Variants in BDP1 observed in about 807,000 individuals in gnomAD.
The protein encoded by BDP1 is BDP1 general transcription factor IIIB subunit.
In BDP1, 169 loss-of-function variants were observed where a neutral mutation model predicts 266.6. That is an observed-to-expected ratio of 0.63 (90% confidence interval 0.56 to 0.72). The LOEUF is 0.72. BDP1 is among the 30% of genes least tolerant of loss of function. The pLI is 0.00. For synonymous variants in BDP1, 1,090 were observed against 1,022.4 expected (o/e 1.07, Z -1.26); for missense variants, 3,015 against 3,053.8 (o/e 0.99, Z 0.30).
intron 7 of BDP1, among the ~76,000 whole-genome samples, chr5:71,476,499 T>C (rs1762593800): frequency 6.6e-6 from 1 of 151,906 alleles, no homozygotes; most frequent in Non-Finnish European, 1.5e-5. Context: ...TTTTATTTGT[T>C]TGTTTTTTCC....
chr5:71,488,164 TGCCCAG>T (rs113301240), intron 9 of BDP1, among the ~76,000 whole-genome samples: 74 of 152,260 alleles, frequency 4.9e-4, no homozygotes, highest in African/African-American at 1.7e-3. Flanking sequence ...CTCACTTTGT[TGCCCAG>T]GCTGGAGTGC....
intron 6 of BDP1, 93 bp from the exon 7 acceptor site, chr5:71,470,301 TA>T: frequency 1.1e-6 from 1 of 911,066 alleles, no homozygotes; most frequent in Non-Finnish European, 1.7e-6. Context: ...ATCTTTCTAG[TA>T]AAATTAAGTA....
chr5:71,504,134 G>A lies in BDP1; in HGVS notation c.2242-487G>A, dbSNP rs751102045. ...AAAAATACAAAAACGTTAGCTGGGTGTGGTGGTGGACGCCTGTAGTCCTAG... is the reference window on the plus strand; with the variant it reads ...AAAAATACAAAAACGTTAGCTGGGTATGGTGGTGGACGCCTGTAGTCCTAG... On this transcript the variant is annotated intron_variant, in intron 15 of 38. Coordinates refer to ENST00000358731, the MANE Select transcript of BDP1 (RefSeq NM_018429.3). Among the ~76,000 whole-genome samples, 86 of 151,772 alleles carry A rather than the reference G, an allele frequency of 5.7e-4. 1 individual carries two copies. The highest frequency in any genetic ancestry group is 3.0e-3 in the Admixed American group (46 of 15,234).
intron 1 of BDP1, among the ~76,000 whole-genome samples, chr5:71,456,956 G>A (rs1035305983): frequency 2.6e-5 from 4 of 152,102 alleles, no homozygotes; most frequent in Admixed American, 2.6e-4. Context: ...ATTTATTTTT[G>A]GAACATCTTC....
chr5:71,553,280 C>T lies in BDP1; in HGVS notation c.7160C>T (p.Ser2387Leu), dbSNP rs767768171. 1 of 1,613,030 alleles carries T rather than the reference C, an allele frequency of 6.2e-7. No individual in the cohort carries two copies. The highest frequency in any genetic ancestry group is 1.1e-5 in the South Asian group (1 of 91,026). The part of the protein sequence containing the change: ...NDHIPPAKKR[S>L]LTLRDDCQEY... ...CACATTCCTCCTGCCAAAAAACGTT[C>T]ACTCACTTTAAGAGATGACTGTCAA... The change falls in exon 35 of 39, where the codon TCA becomes TTA. Residue 2387 changes from serine to leucine, a missense_variant. This residue lies in a region of BDP1 where 629 missense variants were observed against 632.5 expected (regional missense o/e 0.99). Coordinates refer to ENST00000358731, the MANE Select transcript of BDP1 (RefSeq NM_018429.3).
At position 71,522,371 on chromosome 5, in the gene BDP1, G is replaced by T; in HGVS notation, c.5074G>T (p.Ala1692Ser). Residue 1692 changes from alanine to serine, a missense_variant, in exon 23 of 39, where the codon GCA becomes TCA. Around this residue, in one of 3 missense-constraint regions of BDP1, gnomAD observed 2,383 missense variants for 2,404.9 expected, o/e 0.99. Coordinates refer to ENST00000358731, the MANE Select transcript of BDP1 (RefSeq NM_018429.3). ...AAAGGCTAAGCCAAATTTGGGAAGA[G>T]CACACAGTAAGAAAGAGGAACCAGT... ...FQKAKPNLGR[A>S]HSKKEEPVLE... 6.2e-7 allele frequency: 1 copy of T among 1,613,798 alleles called. No homozygotes were observed.
Position 71,522,478 on chromosome 5 carries a change from G to T in BDP1, c.5181G>T (p.Gln1727His). 1 of 1,574,984 alleles carries T rather than the reference G, an allele frequency of 6.3e-7. No homozygotes were observed. The highest frequency in any genetic ancestry group is 8.6e-7 in the Non-Finnish European group (1 of 1,164,068). The change falls in exon 23 of 39, where the codon CAG becomes CAT. Residue 1727 changes from glutamine to histidine, a missense_variant. Gln to His is a conservative substitution (Grantham distance 24). Coordinates refer to ENST00000358731, the MANE Select transcript of BDP1 (RefSeq NM_018429.3). ...TGCAGAAAGGAGCTTCCAACACCCA[G>T]CTCCTTCTAAAAGTAAGTTTGGGCA... ...HLLQKGASNT[Q>H]LLLKEKAELL...
At chr5:71,516,902 A>G (rs1765253296) in intron 21 of BDP1, among the ~76,000 whole-genome samples, 1 of 152,240 alleles carries the variant, frequency 6.6e-6, no homozygotes, top group Non-Finnish European at 1.5e-5. Flanking sequence ...TCTTAAAAAA[A>G]AAAATTAAAC....
intron 25 of BDP1, among the ~76,000 whole-genome samples, chr5:71,526,615 C>CAAA (rs752124588): frequency 0.37 from 18,422 of 49,214 alleles, 3,212 homozygotes; most frequent in Non-Finnish European, 0.46. Flanking sequence ...GACTCTATCT[C>CAAA]AAAAAAAAAA....
At chr5:71,530,454 G>T (rs1042878780) in intron 25 of BDP1, among the ~76,000 whole-genome samples, 2 of 151,854 alleles carry the variant, frequency 1.3e-5, no homozygotes, top group Non-Finnish European at 1.5e-5. Context: ...ATGTTGTCCA[G>T]GCTGGTCTCA....
chr5:71,502,050 A>T (rs1174955584), intron 14 of BDP1, among the ~76,000 whole-genome samples: 3 of 152,156 alleles, frequency 2.0e-5, no homozygotes, highest in Non-Finnish European at 4.4e-5. Flanking sequence ...CTGGAGTTCT[A>T]CATTATTCTA....
At chr5:71,562,817 AC>A (rs1743776043) in intron 38 of BDP1, 2 of 1,328,464 alleles carry the variant, frequency 1.5e-6, no homozygotes, top group Non-Finnish European at 2.0e-6. Flanking sequence ...CAGTGCTGAC[AC>A]CCACAAGAAT....
chr5:71,463,371 C>T (rs1272853839), intron 3 of BDP1, among the ~76,000 whole-genome samples: 1 of 152,094 alleles, frequency 6.6e-6, no homozygotes, highest in Non-Finnish European at 1.5e-5. Context: ...CAGCATAGCC[C>T]TTTTTCAGAT....
At chr5:71,530,397 G>A (rs557995183) in intron 25 of BDP1, among the ~76,000 whole-genome samples, 3 of 151,664 alleles carry the variant, frequency 2.0e-5, no homozygotes, top group South Asian at 4.2e-4. Flanking sequence ...CACCACACCC[G>A]GCTAATTTTT....
At chr5:71,516,707 T>C (rs1405598583) in intron 21 of BDP1, among the ~76,000 whole-genome samples, 1 of 152,222 alleles carries the variant, frequency 6.6e-6, no homozygotes, top group East Asian at 1.9e-4. Flanking sequence ...GTTACATCAT[T>C]TTTGCTGTAT....
At position 71,512,192 on chromosome 5, in the gene BDP1, G is replaced by T. The variant is rs189650148; in HGVS notation, c.4060-49G>T. 33 of 969,504 alleles carry T rather than the reference G, an allele frequency of 3.4e-5. No individual in the cohort carries two copies. In the East Asian group the frequency reaches 9.3e-4, roughly 27 times the overall value. 60.1% of individuals were successfully genotyped at this position (969,504 alleles called of 1,614,324 possible). The stretch of plus-strand genomic sequence containing the variant: ...GACTTTTGTTTTAAATATATAAGAT[G>T]TTTAAATACTCTTTTATTTGTGCTG... On this transcript the variant is annotated intron_variant, in intron 17 of 38. Transcript: ENST00000358731.
intron 8 of BDP1, among the ~76,000 whole-genome samples, chr5:71,484,711 G>C (rs1023688309): frequency 3.3e-5 from 5 of 151,972 alleles, no homozygotes; most frequent in Non-Finnish European, 5.9e-5. Flanking sequence ...TTACAAGATA[G>C]GTCTTTTTTT....
At chr5:71,497,521 G>T (rs1203062305) in intron 13 of BDP1, 95 bp downstream of exon 13, 2 of 891,190 alleles carry the variant, frequency 2.2e-6, no homozygotes, top group Admixed American at 5.5e-5. Flanking sequence ...ACAAAGTACT[G>T]TTACTGATAT....
chr5:71,538,775 G>A (rs192365753), intron 26 of BDP1, among the ~76,000 whole-genome samples: 2 of 152,286 alleles, frequency 1.3e-5, no homozygotes, highest in East Asian at 3.9e-4. Flanking sequence ...AAGAATGGTA[G>A]ACGTACATAA....
Sources: allele counts gnomAD v4.1 joint callset (sites outside exome capture counted in the v4.1 genomes callset), GRCh38; gene constraint gnomAD v4.1.1; regional missense constraint gnomAD v4.1.1; transcripts MANE v1.5; gene names NCBI Gene and HGNC (gene_info 2026-07-23, HGNC 2026-07-21).